Variants in PRKG1 observed in about 807,000 individuals in gnomAD.
PRKG1 encodes protein kinase cGMP-dependent 1, also known as cGMP-dependent protein kinase 1.
Under a neutral mutation model 88.1 loss-of-function variants are expected in PRKG1, and 35 were observed. The ratio of observed to expected loss-of-function variants is 0.40; its 90% confidence interval spans 0.30 to 0.53. PRKG1 has a LOEUF of 0.53. PRKG1 is among the 20% of genes least tolerant of loss of function. The pLI, the probability that PRKG1 is intolerant of heterozygous loss-of-function variation, is 0.59. For synonymous variants in PRKG1, 303 were observed against 292.5 expected (o/e 1.04, Z -0.37); for missense variants, 540 against 839.8 (o/e 0.64, Z 4.41).
chr10:51,924,235 C>T (rs141892338), intron 5 of PRKG1, among the ~76,000 whole-genome samples: 8 of 152,158 alleles, frequency 5.3e-5, no homozygotes, highest in Admixed American at 4.6e-4. Context: ...CTACTGTTAA[C>T]AAATTCCCTC....
intron 1 of PRKG1, among the ~76,000 whole-genome samples, chr10:51,030,369 A>G (rs1358774389): frequency 2.0e-5 from 3 of 152,222 alleles, no homozygotes; most frequent in Non-Finnish European, 4.4e-5. Context: ...AAGGGATCAC[A>G]TAAATTATAA....
At chr10:51,119,901 A>G (rs1209992434) in intron 1 of PRKG1, among the ~76,000 whole-genome samples, 1 of 152,138 alleles carries the variant, frequency 6.6e-6, no homozygotes, top group African/African-American at 2.4e-5. Flanking sequence ...TTGAAAACAG[A>G]AAACTAATCT....
chr10:51,364,476 T>C (rs1842549532), intron 2 of PRKG1, among the ~76,000 whole-genome samples: 1 of 151,944 alleles, frequency 6.6e-6, no homozygotes, highest in Admixed American at 6.6e-5. Context: ...TCCACTAAGA[T>C]CCATATGTTT....
At chr10:51,346,906 G>A (rs1471099730) in intron 2 of PRKG1, among the ~76,000 whole-genome samples, 37 of 151,948 alleles carry the variant, frequency 2.4e-4, no homozygotes, top group Admixed American at 2.2e-3. Flanking sequence ...TGTGTAAACC[G>A]CTTCACTCAA....
chr10:51,774,391 A>G (rs1198948549), intron 3 of PRKG1, among the ~76,000 whole-genome samples: 1 of 152,112 alleles, frequency 6.6e-6, no homozygotes, highest in Non-Finnish European at 1.5e-5. Flanking sequence ...TTCTCATCAA[A>G]CATTGTAATA....
intron 9 of PRKG1, among the ~76,000 whole-genome samples, chr10:52,184,255 A>G (rs151003659): frequency 6.6e-6 from 1 of 152,318 alleles, no homozygotes; most frequent in East Asian, 1.9e-4. Context: ...TACTGCCAAT[A>G]TTTGAACATT....
chr10:51,921,818 A>C (rs1842469180), intron 5 of PRKG1, among the ~76,000 whole-genome samples: 1 of 151,878 alleles, frequency 6.6e-6, no homozygotes, highest in African/African-American at 2.4e-5. Context: ...ACTTGATAAT[A>C]CTCTGATGAA....
chr10:52,067,339 G>A (rs1213936065), intron 7 of PRKG1, among the ~76,000 whole-genome samples: 3 of 152,142 alleles, frequency 2.0e-5, no homozygotes, highest in Non-Finnish European at 2.9e-5. Flanking sequence ...TGTTCAGCAG[G>A]CAATTAAATA....
At chr10:52,228,288 A>AG (rs1040505348) in intron 9 of PRKG1, among the ~76,000 whole-genome samples, 3 of 151,864 alleles carry the variant, frequency 2.0e-5, no homozygotes, top group African/African-American at 7.3e-5. Context: ...GTAAAAAGAA[A>AG]AAAAAAAAAA....
chr10:51,284,557 G>T (rs1840384332), intron 2 of PRKG1, among the ~76,000 whole-genome samples: 1 of 152,058 alleles, frequency 6.6e-6, no homozygotes, highest in Admixed American at 6.5e-5. Flanking sequence ...TATATTTTTT[G>T]TTATTAAAGG....
intron 2 of PRKG1, among the ~76,000 whole-genome samples, chr10:51,335,163 C>T (rs1841844006): frequency 6.6e-6 from 1 of 151,864 alleles, no homozygotes; most frequent in Non-Finnish European, 1.5e-5. Flanking sequence ...CAGGCGCCCA[C>T]CACCACGCCT....
At chr10:52,205,045 A>C (rs6480761) in intron 9 of PRKG1, among the ~76,000 whole-genome samples, 64,301 of 151,796 alleles carry the variant, frequency 0.42, 13,779 homozygotes, top group East Asian at 0.7. Flanking sequence ...TGCCTTATGC[A>C]GATGTAGATA....
At chr10:52,136,881 A>G (rs1411098574) in intron 8 of PRKG1, among the ~76,000 whole-genome samples, 2 of 152,070 alleles carry the variant, frequency 1.3e-5, no homozygotes, top group African/African-American at 4.8e-5. Context: ...CCTTAAGCAC[A>G]AATACAGAAA....
intron 7 of PRKG1, among the ~76,000 whole-genome samples, chr10:52,071,254 C>A (rs1481213624): frequency 6.6e-6 from 1 of 152,050 alleles, no homozygotes; most frequent in Non-Finnish European, 1.5e-5. Flanking sequence ...AAGTAGGGAA[C>A]ATAGTACCTA....
intron 3 of PRKG1, among the ~76,000 whole-genome samples, chr10:51,546,240 T>C (rs1209225453): frequency 6.6e-6 from 1 of 152,138 alleles, no homozygotes; most frequent in Non-Finnish European, 1.5e-5. Context: ...AACATTGTTA[T>C]ATGTGTGTAT....
intron 5 of PRKG1, among the ~76,000 whole-genome samples, chr10:51,961,386 GA>G (rs35791689): frequency 7.3e-6 from 1 of 136,152 alleles, no homozygotes; most frequent in Non-Finnish European, 1.6e-5. Context: ...TGTATTTATT[GA>G]AAAAAAAGAA....
At chr10:51,160,292 T>C (rs1846326390) in intron 2 of PRKG1, among the ~76,000 whole-genome samples, 1 of 152,194 alleles carries the variant, frequency 6.6e-6, no homozygotes, top group Non-Finnish European at 1.5e-5. Context: ...CAATATTATG[T>C]TCCATTGTAT....
chr10:51,108,380 TA>T (rs879533291), intron 1 of PRKG1, among the ~76,000 whole-genome samples: 218 of 145,478 alleles, frequency 1.5e-3, no homozygotes, highest in Middle Eastern at 0.014. Flanking sequence ...CTAACAAAAT[TA>T]AAAAAAAAAA....
At chr10:52,035,552 G>C (rs1845586205) in intron 5 of PRKG1, among the ~76,000 whole-genome samples, 1 of 152,066 alleles carries the variant, frequency 6.6e-6, no homozygotes, top group Non-Finnish European at 1.5e-5. Flanking sequence ...GAGGAAAGAA[G>C]GAAATTTGGG....
Sources: allele counts gnomAD v4.1 joint callset (sites outside exome capture counted in the v4.1 genomes callset), GRCh38; gene constraint gnomAD v4.1.1; transcripts MANE v1.5; gene names NCBI Gene and HGNC (gene_info 2026-07-23, HGNC 2026-07-21).